POLR3B: variants seen among roughly 807,000 people sequenced by gnomAD.
POLR3B encodes RNA polymerase III subunit B.
POLR3B carries 96 observed loss-of-function variants against 147.4 expected under a neutral mutation model. That is an observed-to-expected ratio of 0.65 (90% CI 0.55 to 0.77). POLR3B has a LOEUF of 0.77. POLR3B is among the 30% of genes least tolerant of loss of function. POLR3B has a pLI of 0.00. For synonymous variants in POLR3B, 461 were observed against 485.9 expected, an observed-to-expected ratio of 0.95 and a Z score of 0.67; for missense variants, 1,036 against 1,413.5, an observed-to-expected ratio of 0.73 and a Z score of 4.28.
chr12:106,449,503 A>G (rs1432219244), intron 19 of POLR3B, among the ~76,000 whole-genome samples: 1 of 152,224 alleles, frequency 6.6e-6, no homozygotes, highest in Non-Finnish European at 1.5e-5. Flanking sequence ...TGGAAGCCTT[A>G]CCAATAACAG....
rs1000460844 is a variant in POLR3B at position 106,365,680 on chromosome 12, G to A, written c.106-836G>A. ...GACCGACTAGCCTGGCCAACATGGT[G>A]TAACCCCGTTTCTACTAAAAATACA... On this transcript the variant is annotated intron_variant, in intron 2 of 27. Coordinates refer to ENST00000228347, the MANE Select transcript of POLR3B (RefSeq NM_018082.6). Among the ~76,000 whole-genome samples, 11 of 152,116 alleles carry A rather than the reference G, an allele frequency of 7.2e-5. No individual in the cohort carries two copies. The South Asian group carries it at 1.9e-3, about 26-fold the overall frequency.
intron 12 of POLR3B, among the ~76,000 whole-genome samples, chr12:106,414,662 C>G (rs1282178010): frequency 6.6e-6 from 1 of 152,096 alleles, no homozygotes; most frequent in Non-Finnish European, 1.5e-5. Flanking sequence ...TATGTTTTAT[C>G]CAGAATCTAG....
At chr12:106,468,255 T>G (rs1405642623) in intron 23 of POLR3B, among the ~76,000 whole-genome samples, 1 of 152,214 alleles carries the variant, frequency 6.6e-6, no homozygotes, top group African/African-American at 2.4e-5. Flanking sequence ...GTTTATAATA[T>G]ACTCTGATGG....
At chr12:106,502,352 C>T (rs749057437) in intron 26 of POLR3B, among the ~76,000 whole-genome samples, 36 of 152,144 alleles carry the variant, frequency 2.4e-4, no homozygotes, top group Non-Finnish European at 3.5e-4. Flanking sequence ...CTTTTCATTC[C>T]GTCACAAGCC....
intron 23 of POLR3B, among the ~76,000 whole-genome samples, chr12:106,491,521 T>G (rs1416957985): frequency 6.6e-6 from 1 of 152,214 alleles, no homozygotes; most frequent in African/African-American, 2.4e-5. Flanking sequence ...ACAGCATCAT[T>G]TCACCATTCA....
chr12:106,497,584 C>T (rs1328119666), intron 25 of POLR3B, among the ~76,000 whole-genome samples: 1 of 152,176 alleles, frequency 6.6e-6, no homozygotes, highest in East Asian at 1.9e-4. Flanking sequence ...GTTGAACTTT[C>T]CCTGCAATTA....
At position 106,410,875 on chromosome 12, in the gene POLR3B, T is replaced by C. The variant is rs1215387497; in HGVS notation, c.1016T>C (p.Val339Ala). 1 of 1,613,802 alleles carries C rather than the reference T, an allele frequency of 6.2e-7. No homozygotes were observed. Among genetic ancestry groups the C allele is most frequent in the Non-Finnish European group, 8.5e-7 (1 of 1,179,700 alleles). ...AAATGTATCTATACTGCAGTGATGG[T>C]GCGAAGAGTTATTCTGGCCCAAGGA... ...RAKCIYTAVMVRRVILAQGDN... is the reference protein window; with the variant it reads ...RAKCIYTAVMARRVILAQGDN... Residue 339 changes from valine to alanine, a missense_variant, in exon 12 of 28, where the codon GTG becomes GCG. Val to Ala is a moderately conservative substitution (Grantham distance 64). Coordinates refer to ENST00000228347, the MANE Select transcript of POLR3B (RefSeq NM_018082.6).
At chr12:106,476,683 T>G (rs1345919468) in intron 23 of POLR3B, among the ~76,000 whole-genome samples, 1 of 149,664 alleles carries the variant, frequency 6.7e-6, no homozygotes, top group Admixed American at 6.6e-5. Context: ...TCTGCATTCT[T>G]CACGTAGTTC....
intron 1 of POLR3B, among the ~76,000 whole-genome samples, chr12:106,362,312 G>A (rs2036481810): frequency 1.3e-5 from 2 of 152,192 alleles, no homozygotes; most frequent in African/African-American, 2.4e-5. Context: ...AAGAAGGGGT[G>A]TAGAGAGAGG....
At chr12:106,443,475 G>T (rs575949090) in intron 18 of POLR3B, among the ~76,000 whole-genome samples, 1 of 152,124 alleles carries the variant, frequency 6.6e-6, no homozygotes, top group African/African-American at 2.4e-5. Context: ...CAGTTATCTA[G>T]TGTCTAGTGG....
rs369977235 is a variant in POLR3B, at chr12:106,376,423, A to G, written c.469A>G (p.Lys157Glu). 4.3e-6 allele frequency: 7 copies of G among 1,613,024 alleles called. No homozygotes were observed. The Admixed American group carries it at 6.7e-5, about 15-fold the overall frequency. Residue 157 changes from lysine to glutamate, a missense_variant, in exon 7 of 28, where the codon AAA (lysine) becomes GAA (glutamate). Transcript: ENST00000228347. ...AGGAAAAACGCCAGCAGAATTTGCC[A>G]AACTGAACGAATGTCCCTTAGATCC... ...LTGKTPAEFA[K>E]LNECPLDPGG...
chr12:106,506,193 CAAAAAGAAA>C, intron 27 of POLR3B, among the ~76,000 whole-genome samples: 1 of 151,120 alleles, frequency 6.6e-6, no homozygotes, highest in East Asian at 1.9e-4. Flanking sequence ...GCTGTGCAAC[CAAAAAGAAA>C]AAAAAGAAAA....
Position 106,433,883 on chromosome 12 carries a change from AG to A in POLR3B, c.1781+13del. ...GGGAAGGCTATGCAGGTATATATGC[AG>A]GTTACTAAAAAGAGTTTTTAAGAAT... On this transcript the variant is annotated intron_variant, in intron 16 of 27. Coordinates refer to ENST00000228347, the MANE Select transcript of POLR3B (RefSeq NM_018082.6). 1 of 1,607,294 alleles carries A rather than the reference AG, an allele frequency of 6.2e-7. No homozygotes were observed. Among genetic ancestry groups the A allele is most frequent in the Non-Finnish European group, 8.5e-7 (1 of 1,174,410 alleles).
chr12:106,475,733 A>T (rs1467705855), intron 23 of POLR3B, among the ~76,000 whole-genome samples: 1 of 146,412 alleles, frequency 6.8e-6, no homozygotes, highest in Non-Finnish European at 1.5e-5. Context: ...ATCTTCCTCC[A>T]TCCTTTTATT....
At chr12:106,436,835 C>A (rs2037582932) in intron 16 of POLR3B, among the ~76,000 whole-genome samples, 1 of 152,150 alleles carries the variant, frequency 6.6e-6, no homozygotes. Flanking sequence ...CACACATACT[C>A]ACATGTACAC....
chr12:106,361,166 G>C (rs2036464675), intron 1 of POLR3B, among the ~76,000 whole-genome samples: 1 of 152,222 alleles, frequency 6.6e-6, no homozygotes, highest in Non-Finnish European at 1.5e-5. Context: ...TTAGTGCTGA[G>C]CATTGAAAGG....
In POLR3B at chr12:106,509,571, A is replaced by G. The variant is rs1419114550; in HGVS notation, c.*22A>G. The G allele has an allele frequency of 1.2e-6, 2 of 1,602,920 alleles. No individual in the cohort carries two copies. Among genetic ancestry groups the G allele is most frequent in the East Asian group, 4.5e-5 (2 of 44,738 alleles). On this transcript the variant is annotated 3_prime_UTR_variant, in exon 28 of 28. Transcript: ENST00000228347. ...ATGAGGATGGAAAAAATGATTATTA[A>G]AGAGAACAAGTGATACATCCAATGC...
Position 106,369,102 on chromosome 12 carries a change from A to C in POLR3B, c.228-173A>C, listed in dbSNP as rs559356068. ...TTGATAATATTTCCCTCCTTTGTAAAGCTATATGTACTATCACTTCAAGAA... is the reference window on the plus strand; with the variant it reads ...TTGATAATATTTCCCTCCTTTGTAACGCTATATGTACTATCACTTCAAGAA... On this transcript the variant is annotated intron_variant, in intron 4 of 27. Coordinates refer to ENST00000228347, the MANE Select transcript of POLR3B (RefSeq NM_018082.6). Among the ~76,000 whole-genome samples, 12 of 152,256 alleles carry C rather than the reference A, an allele frequency of 7.9e-5. No individual in the cohort carries two copies. The South Asian group carries it at 2.1e-3, about 26-fold the overall frequency.
intron 18 of POLR3B, among the ~76,000 whole-genome samples, chr12:106,442,492 C>T (rs2037665347): frequency 1.3e-5 from 2 of 152,112 alleles, no homozygotes; most frequent in African/African-American, 4.8e-5. Context: ...CAAAGGAAGT[C>T]TTTTCCCTTC....
Sources: allele counts gnomAD v4.1 joint callset (sites outside exome capture counted in the v4.1 genomes callset), GRCh38; gene constraint gnomAD v4.1.1; transcripts MANE v1.5; gene names NCBI Gene and HGNC (gene_info 2026-07-23, HGNC 2026-07-21).